Variants in PIK3R3 observed in about 807,000 individuals in gnomAD.
PIK3R3 encodes phosphatidylinositol 3-kinase regulatory subunit gamma.
In PIK3R3, 64 loss-of-function variants were observed where a neutral mutation model predicts 62.9. The ratio of observed to expected loss-of-function variants is 1.02; its 90% CI spans 0.83 to 1.25. The LOEUF (loss-of-function observed/expected upper bound fraction) is 1.25. Among genes scored for constraint, PIK3R3 ranks in the 50% most tolerant of loss-of-function variants. The pLI, the probability that PIK3R3 is intolerant of heterozygous loss-of-function variation, is 0.00. For synonymous variants in PIK3R3, 165 were observed against 189.0 expected (o/e 0.87, Z 1.04); for missense variants, 614 against 561.6 (o/e 1.09, Z -0.94).
At chr1:46,142,036 T>A in the PIK3R3 span, among the ~76,000 whole-genome samples, 1 of 152,366 alleles carries the variant, frequency 6.6e-6, no homozygotes, top group Non-Finnish European at 1.5e-5. Context: ...ACCTCTCCTT[T>A]TACTTGACAG....
intron 1 of PIK3R3, among the ~76,000 whole-genome samples, chr1:46,110,167 A>G (rs1653607786): frequency 6.6e-6 from 1 of 150,774 alleles, no homozygotes; most frequent in African/African-American, 2.4e-5. Context: ...GCTGGAGTGC[A>G]GTGGCACGAT....
chr1:46,091,096 C>T (rs1285156874), intron 1 of PIK3R3, among the ~76,000 whole-genome samples: 1 of 151,256 alleles, frequency 6.6e-6, no homozygotes, highest in Non-Finnish European at 1.5e-5. Context: ...TCCTGAGTAG[C>T]TGTGGAACTA....
intron 1 of PIK3R3, among the ~76,000 whole-genome samples, chr1:46,085,000 CT>C (rs1363357454): frequency 6.6e-6 from 1 of 152,146 alleles, no homozygotes; most frequent in Non-Finnish European, 1.5e-5. Context: ...ATGAGTTGAG[CT>C]GACCAGACTG....
Position 46,132,221 on chromosome 1 carries a change from G to C in PIK3R3, c.-269C>G, listed in dbSNP as rs1178416495. The C allele has an allele frequency of 1.7e-6, 2 of 1,201,486 alleles. No individual in the cohort carries two copies. Among genetic ancestry groups the C allele is most frequent in the Non-Finnish European group, 2.1e-6 (2 of 961,622 alleles). The allele number at this position is 1,201,486 out of a possible 1,614,324, so 74.4% of individuals were successfully genotyped here. On this transcript the variant is annotated 5_prime_UTR_variant, in exon 1 of 10. Coordinates refer to ENST00000262741, the MANE Select transcript of PIK3R3 (RefSeq NM_003629.4). ...GAGGCTTGGGGGACGGAGAGCAGAG[G>C]TGTTAAAAAGCGGCTTCCCAAAAAT...
At chr1:46,151,222 C>A in the PIK3R3 span, among the ~76,000 whole-genome samples, 1 of 152,170 alleles carries the variant, frequency 6.6e-6, no homozygotes, top group African/African-American at 2.4e-5. Flanking sequence ...CCCATCTCCA[C>A]AAGTCCTATA....
chr1:46,042,887 T>C lies in PIK3R3; in HGVS notation c.*786A>G, dbSNP rs1344455356. The C allele has an allele frequency of 5.0e-6, 1 of 201,288 alleles. No individual in the cohort carries two copies. The highest frequency in any genetic ancestry group is 1.0e-5 in the Non-Finnish European group (1 of 97,498). 12.5% of individuals were successfully genotyped at this position (201,288 alleles called of 1,614,324 possible). A position where few individuals can be genotyped will look rare whatever the true frequency, so the allele number is the denominator to read the frequency against. Reference sequence around the variant, plus strand: ...GGACAGAAGGGGTTAGTTACAGTGATCAATTTTAGCGTTTGCTAAAACTCA... The same window carrying C: ...GGACAGAAGGGGTTAGTTACAGTGACCAATTTTAGCGTTTGCTAAAACTCA... On this transcript the variant is annotated 3_prime_UTR_variant, in exon 10 of 10. Coordinates refer to ENST00000262741, the MANE Select transcript of PIK3R3 (RefSeq NM_003629.4). The surrounding 1 kb of genome is among the most constrained non-coding windows in gnomAD (Gnocchi z 4.3).
intron 1 of PIK3R3, among the ~76,000 whole-genome samples, chr1:46,108,141 A>C (rs563706675): frequency 6.6e-6 from 1 of 152,370 alleles, no homozygotes; most frequent in African/African-American, 2.4e-5. Context: ...AACCCTTTGT[A>C]CAATATACAG....
At chr1:46,117,377 G>A (rs1654278931) in intron 1 of PIK3R3, among the ~76,000 whole-genome samples, 2 of 152,150 alleles carry the variant, frequency 1.3e-5, no homozygotes, top group East Asian at 1.9e-4. Context: ...CGGCTACAGT[G>A]AGCCATGTTT....
intron 7 of PIK3R3, 79 bp from the exon 8 acceptor site, chr1:46,046,704 C>T: frequency 3.1e-6 from 3 of 957,600 alleles, no homozygotes; most frequent in Non-Finnish European, 5.1e-6. Context: ...GCCAACTAAA[C>T]TTCTAGAGTC....
chr1:46,047,005 C>A (rs1231941341), intron 7 of PIK3R3: 1 of 215,910 alleles, frequency 4.6e-6, no homozygotes, highest in East Asian at 1.1e-4. Flanking sequence ...TGAGGACACA[C>A]TTCCTGTGTG....
At chr1:46,172,524 C>CA in the PIK3R3 span, among the ~76,000 whole-genome samples, 92 of 151,708 alleles carry the variant, frequency 6.1e-4, 1 homozygote, top group Non-Finnish European at 1.1e-3. Context: ...CCTGTTTCTA[C>CA]AAAAAAAATG....
In PIK3R3 at chr1:46,082,614, C is replaced by T. The variant is rs549677578; in HGVS notation, c.107-1864G>A. Among the ~76,000 whole-genome samples the T allele has an allele frequency of 2.3e-4, 35 of 152,120 alleles. No individual in the cohort carries two copies. In the East Asian group the frequency reaches 2.7e-3, roughly 12 times the overall value. On this transcript the variant is annotated intron_variant, in intron 1 of 9. Transcript: ENST00000262741. Reference sequence around the variant, plus strand: ...ACAACATGGTCATCATATGGCATCACGTTGACAATCTACTTTCAAATGATT... The same window carrying T: ...ACAACATGGTCATCATATGGCATCATGTTGACAATCTACTTTCAAATGATT...
At chr1:46,147,336 C>T in the PIK3R3 span, among the ~76,000 whole-genome samples, 3 of 152,326 alleles carry the variant, frequency 2.0e-5, no homozygotes, top group East Asian at 5.8e-4. Context: ...AACTCCTGAC[C>T]TCAAGTGATC....
chr1:46,131,414 A>AT (rs1352950731), intron 1 of PIK3R3, among the ~76,000 whole-genome samples: 2 of 152,242 alleles, frequency 1.3e-5, no homozygotes, highest in African/African-American at 4.8e-5. Flanking sequence ...AGACAAATGT[A>AT]TGAAAGGACA....
At chr1:46,077,992 T>C (rs960427801) in intron 2 of PIK3R3, among the ~76,000 whole-genome samples, 1 of 152,362 alleles carries the variant, frequency 6.6e-6, no homozygotes, top group Admixed American at 6.5e-5. Context: ...CAGTGGCAGC[T>C]GTTTCTGAAC....
chr1:46,060,730 C>A (rs1289512164), intron 6 of PIK3R3, among the ~76,000 whole-genome samples: 1 of 152,170 alleles, frequency 6.6e-6, no homozygotes, highest in Non-Finnish European at 1.5e-5. Flanking sequence ...TAAACTCATG[C>A]CATTAAGCTA....
chr1:46,159,485 T>C, the PIK3R3 span, among the ~76,000 whole-genome samples: 1 of 152,232 alleles, frequency 6.6e-6, no homozygotes, highest in Non-Finnish European at 1.5e-5. Context: ...ATTTTGAGCA[T>C]GATCCAGTTG....
chr1:46,155,765 T>A, the PIK3R3 span, among the ~76,000 whole-genome samples: 1 of 152,284 alleles, frequency 6.6e-6, no homozygotes, highest in East Asian at 1.9e-4. Context: ...CCCAGCCTAA[T>A]TTTTTTAAAA....
chr1:46,141,747 C>A, the PIK3R3 span, among the ~76,000 whole-genome samples: 5 of 152,188 alleles, frequency 3.3e-5, no homozygotes, highest in Admixed American at 6.5e-5. Context: ...GAATCTTAAC[C>A]ATTTTCTCCC....
Sources: gnomAD v4.1 joint callset for allele counts (sites outside exome capture counted in the v4.1 genomes callset) on GRCh38, gnomAD v4.1.1 for gene constraint, Gnocchi (gnomAD v3.1) non-coding constraint, MANE v1.5 for transcripts, NCBI Gene and HGNC (gene_info 2026-07-23, HGNC 2026-07-21) for gene names.